Variants in CLSTN2 observed in about 807,000 individuals in gnomAD.
CLSTN2 encodes calsyntenin-2.
In CLSTN2, 48 loss-of-function variants were observed where a neutral mutation model predicts 101.2. That is an observed-to-expected ratio of 0.47 (90% CI 0.38 to 0.60). The LOEUF (loss-of-function observed/expected upper bound fraction) is 0.60. CLSTN2 is among the 20% of genes least tolerant of loss of function. The pLI is 0.00. For missense variants in CLSTN2, 1,160 were observed against 1,238.2 expected, an observed-to-expected ratio of 0.94 and a Z score of 0.95; for synonymous variants, 481 against 463.6, an observed-to-expected ratio of 1.04 and a Z score of -0.48.
chr3:140,401,895 A>G (rs2088246164), intron 2 of CLSTN2, among the ~76,000 whole-genome samples: 1 of 152,220 alleles, frequency 6.6e-6, no homozygotes, highest in Admixed American at 6.5e-5. Flanking sequence ...CAGAATGCAC[A>G]GTACTGAAAT....
chr3:140,066,653 T>C (rs2008304430), intron 1 of CLSTN2, among the ~76,000 whole-genome samples: 1 of 152,162 alleles, frequency 6.6e-6, no homozygotes, highest in African/African-American at 2.4e-5. Flanking sequence ...TCTGCTACCT[T>C]GGGTGGGGGA....
intron 5 of CLSTN2, 128 bp from the exon 6 acceptor site, chr3:140,448,391 G>A (rs1933147261): frequency 4.0e-6 from 3 of 759,254 alleles, no homozygotes; most frequent in Non-Finnish European, 6.4e-6. Flanking sequence ...TTCTCAAACT[G>A]TTCCCTAATA....
intron 2 of CLSTN2, among the ~76,000 whole-genome samples, chr3:140,343,516 G>T (rs992839427): frequency 3.9e-5 from 6 of 152,166 alleles, no homozygotes; most frequent in East Asian, 1.9e-4. Flanking sequence ...GAGTCAACTT[G>T]TATCTTCCAG....
rs950818419 is a variant in CLSTN2 at position 140,571,803 on chromosome 3, G to A, written c.*5550G>A. The stretch of plus-strand genomic sequence containing the variant: ...CTGGAAAAGGAGAGTTGGCTTTACA[G>A]GGGCTGTGGATTAAGAGCCAGGCTT... On this transcript the variant is annotated 3_prime_UTR_variant, in exon 17 of 17. Transcript: ENST00000458420. The A allele has an allele frequency of 5.3e-5, 8 of 152,226 alleles. No individual in the cohort carries two copies. Among genetic ancestry groups the A allele is most frequent in the Admixed American group, 2.0e-4 (3 of 15,294 alleles). 9.4% of individuals were successfully genotyped at this position (152,226 alleles called of 1,614,324 possible). A position where few individuals can be genotyped will look rare whatever the true frequency, so the allele number is the denominator to read the frequency against.
chr3:140,486,359 G>A (rs1934242103), intron 8 of CLSTN2, among the ~76,000 whole-genome samples: 1 of 152,176 alleles, frequency 6.6e-6, no homozygotes, highest in African/African-American at 2.4e-5. Context: ...GACCATGACT[G>A]TTAAATCCAA....
chr3:140,332,002 A>C, intron 2 of CLSTN2, among the ~76,000 whole-genome samples: 1 of 152,190 alleles, frequency 6.6e-6, no homozygotes, highest in East Asian at 1.9e-4. Context: ...CTGGGTTTGC[A>C]GACATGAATC....
chr3:140,093,475 C>G (rs2008815667), intron 1 of CLSTN2, among the ~76,000 whole-genome samples: 1 of 152,112 alleles, frequency 6.6e-6, no homozygotes, highest in East Asian at 1.9e-4. Context: ...TCCCACTTAC[C>G]TTCAATATTG....
chr3:140,258,168 G>A (rs925249627), intron 2 of CLSTN2, among the ~76,000 whole-genome samples: 4 of 151,536 alleles, frequency 2.6e-5, no homozygotes, highest in Admixed American at 6.6e-5. Context: ...TTTTCAGCCC[G>A]CTTTTATTGT....
intron 2 of CLSTN2, among the ~76,000 whole-genome samples, chr3:140,341,842 AT>A (rs2087496809): frequency 6.6e-6 from 1 of 152,172 alleles, no homozygotes; most frequent in African/African-American, 2.4e-5. Context: ...GTGAATATAT[AT>A]TTTATATGTG....
intron 1 of CLSTN2, among the ~76,000 whole-genome samples, chr3:140,048,712 G>A (rs2007930890): frequency 1.3e-5 from 2 of 152,134 alleles, no homozygotes; most frequent in African/African-American, 4.8e-5. Context: ...GGGGGAGTGG[G>A]GGGCAGTGGG....
At chr3:139,964,268 G>A (rs1224759170) in intron 1 of CLSTN2, among the ~76,000 whole-genome samples, 1 of 152,168 alleles carries the variant, frequency 6.6e-6, no homozygotes, top group African/African-American at 2.4e-5. Flanking sequence ...TCTGTTCCAG[G>A]GATACAGCCA....
intron 1 of CLSTN2, among the ~76,000 whole-genome samples, chr3:139,962,841 A>C (rs1935534997): frequency 6.6e-6 from 1 of 152,176 alleles, no homozygotes; most frequent in Non-Finnish European, 1.5e-5. Flanking sequence ...TTCCCAATAA[A>C]GCTGATATGA....
chr3:140,421,940 T>C (rs2088511263), intron 5 of CLSTN2, among the ~76,000 whole-genome samples: 1 of 152,088 alleles, frequency 6.6e-6, no homozygotes, highest in Non-Finnish European at 1.5e-5. Flanking sequence ...ATTTGAGTGA[T>C]TTGTGGAATA....
intron 16 of CLSTN2, among the ~76,000 whole-genome samples, chr3:140,564,550 A>G (rs1935993720): frequency 1.3e-5 from 2 of 152,232 alleles, no homozygotes; most frequent in African/African-American, 4.8e-5. Flanking sequence ...CACTGCCTGA[A>G]GAGTTCACTC....
intron 2 of CLSTN2, among the ~76,000 whole-genome samples, chr3:140,223,554 T>C (rs1317344180): frequency 2.6e-5 from 4 of 152,154 alleles, no homozygotes; most frequent in Non-Finnish European, 5.9e-5. Context: ...CACCCGGCTT[T>C]TTACCCTATC....
chr3:139,979,871 C>A (rs2107823107), intron 1 of CLSTN2, among the ~76,000 whole-genome samples: 1 of 152,170 alleles, frequency 6.6e-6, no homozygotes, highest in African/African-American at 2.4e-5. Context: ...CTTCTTCCCC[C>A]TCGCCTAGTG....
intron 1 of CLSTN2, among the ~76,000 whole-genome samples, chr3:140,055,468 C>T (rs1488467827): frequency 6.6e-6 from 1 of 152,138 alleles, no homozygotes; most frequent in Non-Finnish European, 1.5e-5. Flanking sequence ...TTTTTACATT[C>T]GAGTTTTGCC....
At chr3:140,026,036 G>A (rs2007413491) in intron 1 of CLSTN2, among the ~76,000 whole-genome samples, 1 of 152,098 alleles carries the variant, frequency 6.6e-6, no homozygotes, top group Non-Finnish European at 1.5e-5. Flanking sequence ...TGGAGTGATG[G>A]GGAGCATTGG....
At chr3:140,466,328 A>T (rs495109) in intron 7 of CLSTN2, among the ~76,000 whole-genome samples, 142,781 of 152,228 alleles carry the variant, frequency 0.94, 67,348 homozygotes, top group Middle Eastern at 0.99. Flanking sequence ...GTACCCTGGG[A>T]CTGATGCAGT....
Sources: allele counts gnomAD v4.1 joint callset (sites outside exome capture counted in the v4.1 genomes callset), GRCh38; gene constraint gnomAD v4.1.1; transcripts MANE v1.5; gene names NCBI Gene and HGNC (gene_info 2026-07-23, HGNC 2026-07-21).